The following MDFIC2 variants were observed in gnomAD, a reference collection of about 807,000 sequenced individuals.
MDFIC2 encodes the protein MyoD family inhibitor domain containing 2, also known as myoD family inhibitor domain-containing protein 2.
At chr3:70,276,400 A>T (rs1184596274) in intron 2 of MDFIC2, among the ~76,000 whole-genome samples, 1 of 152,212 alleles carries the variant, frequency 6.6e-6, no homozygotes, top group African/African-American at 2.4e-5. Context: ...TTGTGATTAT[A>T]AGTAAACATT....
At chr3:70,288,966 A>G (rs1030671934) in intron 2 of MDFIC2, among the ~76,000 whole-genome samples, 10 of 152,054 alleles carry the variant, frequency 6.6e-5, no homozygotes, top group Non-Finnish European at 1.2e-4. Context: ...TGCACGTGAG[A>G]TGGGTTTCCT....
At chr3:70,197,599 T>C (rs1188715680) in intron 3 of MDFIC2, among the ~76,000 whole-genome samples, 1 of 152,220 alleles carries the variant, frequency 6.6e-6, no homozygotes, top group Non-Finnish European at 1.5e-5. Context: ...GGAGAGACTG[T>C]ACAAATGCCC....
intron 2 of MDFIC2, among the ~76,000 whole-genome samples, chr3:70,299,871 A>T (rs1453659862): frequency 2.0e-5 from 3 of 151,918 alleles, no homozygotes; most frequent in Non-Finnish European, 4.4e-5. Context: ...ACACTCTTCA[A>T]CCTAACGTTA....
intron 2 of MDFIC2, among the ~76,000 whole-genome samples, chr3:70,308,407 G>A (rs1410715047): frequency 6.6e-6 from 1 of 152,022 alleles, no homozygotes; most frequent in Non-Finnish European, 1.5e-5. Flanking sequence ...TCTTAAAAGA[G>A]GGTTTCTCCA....
rs571884812 is a variant in MDFIC2 at position 70,237,301 on chromosome 3, C to T, written c.89-30511G>A. On this transcript the variant is annotated intron_variant, in intron 2 of 3. Transcript: ENST00000567252. ...CAGTGCGGATACACCACAATATAGA[C>T]AGACCTCTATTAATGAATGCTTAAA... Among the ~76,000 whole-genome samples, 4 of 152,312 alleles carry T rather than the reference C, an allele frequency of 2.6e-5. No homozygotes were observed. In the East Asian group the frequency reaches 5.8e-4, roughly 22 times the overall value.
intron 2 of MDFIC2, among the ~76,000 whole-genome samples, chr3:70,268,876 A>T (rs1436729065): frequency 2.6e-5 from 4 of 152,156 alleles, no homozygotes; most frequent in South Asian, 4.1e-4. Flanking sequence ...GTTTATGAGG[A>T]TTATTTTTTC....
rs1230498918 is a variant in MDFIC2, at chr3:70,196,983, A to G, written c.513T>C (p.His171=). 15 of 398,590 alleles carry G rather than the reference A, an allele frequency of 3.8e-5. 2 individuals are homozygous for G. The South Asian group carries it at 1.0e-3, about 27-fold the overall frequency. 24.7% of individuals were successfully genotyped at this position (398,590 alleles called of 1,614,324 possible). A position where few individuals can be genotyped will look rare whatever the true frequency, so the allele number is the denominator to read the frequency against. Reference sequence around the variant, plus strand: ...CCAGTTCCAGACACTCGCTGGTCTCATGGCAAGATTCAAAAAGGCTGCAGT... The same window carrying G: ...CCAGTTCCAGACACTCGCTGGTCTCGTGGCAAGATTCAAAAAGGCTGCAGT... The part of the protein sequence containing the change: ...DMDCSLFESC[H]ETSECLELAM... Residue 171 remains histidine (H), a synonymous_variant, in exon 4 of 4, where the codon CAT becomes CAC. Transcript: ENST00000567252.
At chr3:70,272,093 C>A (rs968509215) in intron 2 of MDFIC2, 11 of 152,204 alleles carry the variant, frequency 7.2e-5, no homozygotes, top group Non-Finnish European at 1.3e-4. Flanking sequence ...GAAATAACAA[C>A]AATCCCCAAA....
At chr3:70,253,397 G>A (rs1210081178) in intron 2 of MDFIC2, among the ~76,000 whole-genome samples, 1 of 152,212 alleles carries the variant, frequency 6.6e-6, no homozygotes, top group Non-Finnish European at 1.5e-5. Flanking sequence ...GAGAGTGGAT[G>A]AAGAGTTGTA....
At position 70,288,805 on chromosome 3, in the gene MDFIC2, A is replaced by G. The variant is rs1275487142; in HGVS notation, c.88+23081T>C. ...TTCTTGTTGAATTGATCCCTTTACC[A>G]TTATGTAATGGCCTTCTTTGTCTGT... On this transcript the variant is annotated intron_variant, in intron 2 of 3. Transcript: ENST00000567252. Among the ~76,000 whole-genome samples, 3 of 151,600 alleles carry G rather than the reference A, an allele frequency of 2.0e-5. No individual in the cohort carries two copies. The South Asian group carries it at 6.3e-4, about 32-fold the overall frequency.
At chr3:70,261,043 T>C (rs1451860001) in intron 2 of MDFIC2, among the ~76,000 whole-genome samples, 1 of 152,190 alleles carries the variant, frequency 6.6e-6, no homozygotes, top group East Asian at 1.9e-4. Context: ...GCACAAATTA[T>C]TCAAACAGTA....
intron 2 of MDFIC2, among the ~76,000 whole-genome samples, chr3:70,207,425 G>C (rs1701303245): frequency 6.6e-6 from 1 of 151,984 alleles, no homozygotes; most frequent in Non-Finnish European, 1.5e-5. Context: ...CCACATAACT[G>C]TCTGGCACAA....
intron 2 of MDFIC2, among the ~76,000 whole-genome samples, chr3:70,241,396 T>C (rs1701666410): frequency 1.3e-5 from 2 of 152,192 alleles, no homozygotes; most frequent in South Asian, 4.1e-4. Context: ...TGAGATGTTT[T>C]CACCAGTCAT....
intron 2 of MDFIC2, among the ~76,000 whole-genome samples, chr3:70,256,850 C>T (rs1701821258): frequency 6.6e-6 from 1 of 152,154 alleles, no homozygotes; most frequent in Admixed American, 6.6e-5. Flanking sequence ...TCACCTATGT[C>T]TGCAACTAGA....
intron 2 of MDFIC2, among the ~76,000 whole-genome samples, chr3:70,265,116 C>G (rs1575610110): frequency 1.3e-5 from 2 of 152,170 alleles, no homozygotes; most frequent in Admixed American, 6.5e-5. Flanking sequence ...CACTGGGTCC[C>G]TCCCATGACA....
chr3:70,264,750 G>C (rs545350847), intron 2 of MDFIC2, among the ~76,000 whole-genome samples: 1 of 152,320 alleles, frequency 6.6e-6, no homozygotes, highest in Non-Finnish European at 1.5e-5. Flanking sequence ...GGGAATAATA[G>C]CAGTGTGATG....
chr3:70,220,454 C>T (rs1472327886), intron 2 of MDFIC2, among the ~76,000 whole-genome samples: 1 of 152,004 alleles, frequency 6.6e-6, no homozygotes, highest in Non-Finnish European at 1.5e-5. Context: ...AAAAAAATTA[C>T]TTCAAGTTAT....
intron 2 of MDFIC2, among the ~76,000 whole-genome samples, chr3:70,240,714 G>A (rs1701659332): frequency 6.6e-6 from 1 of 152,024 alleles, no homozygotes; most frequent in African/African-American, 2.4e-5. Context: ...GCTAAACATG[G>A]TGCATTTCAG....
Position 70,306,587 on chromosome 3 carries a change from T to A in MDFIC2, c.88+5299A>T, listed in dbSNP as rs144205669. 8.2e-3 allele frequency among the ~76,000 whole-genome samples: 1,249 copies of A among 152,226 alleles called. 13 individuals carry two copies. Among genetic ancestry groups the A allele is most frequent in the African/African-American group, 0.028 (1,181 of 41,530 alleles). On this transcript the variant is annotated intron_variant, in intron 2 of 3. Transcript: ENST00000567252. ...TTGCCCATTCCCCACCCCCTATTTT[T>A]TTTATCATTTTTTTTCTCTCTCATG...
Sources: allele counts gnomAD v4.1 joint callset (sites outside exome capture counted in the v4.1 genomes callset), GRCh38; gene constraint gnomAD v4.1.1; transcripts MANE v1.5; gene names NCBI Gene and HGNC (gene_info 2026-07-23, HGNC 2026-07-21).